DNAH7: variants seen among roughly 807,000 people sequenced by gnomAD.
DNAH7 encodes the protein dynein axonemal heavy chain 7.
Under a neutral mutation model 444.6 loss-of-function variants are expected in DNAH7, and 397 were observed. The observed-to-expected ratio is 0.89, with a 90% CI of 0.82 to 0.97. DNAH7 has a LOEUF of 0.97. Among genes scored for constraint, DNAH7 ranks in the 50% least tolerant of loss-of-function variants. DNAH7 has a pLI of 0.00. For missense variants in DNAH7, 4,902 were observed against 4,800.8 expected (o/e 1.02, Z -0.62); for synonymous variants, 1,636 against 1,624.4 (o/e 1.01, Z -0.17).
chr2:195,901,463 T>G (rs1686700867), intron 27 of DNAH7: 1 of 152,170 alleles, frequency 6.6e-6, no homozygotes. Flanking sequence ...AATATATCAT[T>G]AGCTTTTTGT....
intron 24 of DNAH7, 61 bp from the exon 25 acceptor site, chr2:195,910,256 C>T (rs907517999): frequency 1.2e-5 from 16 of 1,349,200 alleles, no homozygotes; most frequent in African/African-American, 1.5e-5. Flanking sequence ...CATTCACATG[C>T]CAAGAAGAGA....
intron 46 of DNAH7, among the ~76,000 whole-genome samples, chr2:195,845,432 C>A (rs1265841263): frequency 6.6e-6 from 1 of 152,006 alleles, no homozygotes; most frequent in Non-Finnish European, 1.5e-5. Context: ...AAATAATTAC[C>A]AATTGTTATT....
Position 196,068,805 on chromosome 2 carries a change from G to C in DNAH7, c.-94C>G, listed in dbSNP as rs1698578383. 6.7e-7 allele frequency: 1 copy of C among 1,481,856 alleles called. No homozygotes were observed. The highest frequency in any genetic ancestry group is 1.2e-5 in the South Asian group (1 of 80,304). The allele number at this position is 1,481,856 out of a possible 1,614,324, so 91.8% of individuals were successfully genotyped here. ...TAGAGGCAGGGCCCCGGGACTTGCA[G>C]CGGTCTCAGCTCCCTCCGCACCAGA... On this transcript the variant is annotated 5_prime_UTR_variant, in exon 1 of 65. Coordinates refer to ENST00000312428, the MANE Select transcript of DNAH7 (RefSeq NM_018897.3).
chr2:195,789,685 G>C (rs1695784946), intron 57 of DNAH7, among the ~76,000 whole-genome samples: 1 of 152,010 alleles, frequency 6.6e-6, no homozygotes, highest in African/African-American at 2.4e-5. Flanking sequence ...TGTGCCTCCA[G>C]ATGTGATCTC....
At chr2:195,897,867 G>C in intron 28 of DNAH7, 102 bp from the exon 29 acceptor site, 1 of 519,512 alleles carries the variant, frequency 1.9e-6, no homozygotes, top group Non-Finnish European at 3.4e-6. Flanking sequence ...CTGTAACTCA[G>C]TTTAAACAAA....
At position 196,000,807 on chromosome 2, in the gene DNAH7, G is replaced by T; in HGVS notation, c.1250C>A (p.Pro417His). Residue 417 changes from proline to histidine, a missense_variant, in exon 12 of 65, where the codon CCT becomes CAT. Pro to His is a moderately conservative substitution (Grantham distance 77). Coordinates refer to ENST00000312428, the MANE Select transcript of DNAH7 (RefSeq NM_018897.3). Reference sequence around the variant, plus strand: ...GATATCTATATAGTCACTCAACTCAGGTTCAAACTTAATGGTGTCATTATC... The same window carrying T: ...GATATCTATATAGTCACTCAACTCATGTTCAAACTTAATGGTGTCATTATC... ...ILDNDTIKFE[P>H]ELSDYIDIFL... is the part of the protein sequence containing the mutation. 6.2e-7 allele frequency: 1 copy of T among 1,608,944 alleles called. No individual in the cohort carries two copies. Among genetic ancestry groups the T allele is most frequent in the African/African-American group, 1.3e-5 (1 of 74,868 alleles).
At position 195,761,067 on chromosome 2, in the gene DNAH7, G is replaced by A. The variant is rs549013110; in HGVS notation, c.11434-4782C>T. On this transcript the variant is annotated intron_variant, in intron 61 of 64. Coordinates refer to ENST00000312428, the MANE Select transcript of DNAH7 (RefSeq NM_018897.3). ...CAGAGAATTCAAATAAGTGTTTTGA[G>A]GAAATGCAAAAAAAGATTCCAAATA... Among the ~76,000 whole-genome samples, 21 of 151,778 alleles carry A rather than the reference G, an allele frequency of 1.4e-4. No homozygotes were observed. In the South Asian group the frequency reaches 4.4e-3, roughly 32 times the overall value.
chr2:196,059,213 T>C (rs1200868770), intron 1 of DNAH7, among the ~76,000 whole-genome samples: 2 of 152,206 alleles, frequency 1.3e-5, no homozygotes, highest in African/African-American at 4.8e-5. Context: ...ATATGTATTC[T>C]GGTTTTTCCC....
chr2:195,827,607 C>T (rs1697834977), intron 48 of DNAH7, among the ~76,000 whole-genome samples: 1 of 151,452 alleles, frequency 6.6e-6, no homozygotes, highest in Admixed American at 6.6e-5. Flanking sequence ...TTTGAGACAG[C>T]GTCTAGCTGT....
chr2:195,808,722 A>G lies in DNAH7; in HGVS notation c.10043T>C (p.Met3348Thr). 1 of 1,614,062 alleles carries G rather than the reference A, an allele frequency of 6.2e-7. No homozygotes were observed. Among genetic ancestry groups the G allele is most frequent in the Non-Finnish European group, 8.5e-7 (1 of 1,179,948 alleles). Residue 3348 changes from methionine to threonine, a missense_variant, in exon 53 of 65, where the codon ATG becomes ACG. Physicochemically the swap from Met to Thr is moderately conservative, Grantham distance 81. Transcript: ENST00000312428. ...PAFKTIRREF[M>T]RLKDGWKKVY... The stretch of plus-strand genomic sequence containing the variant: ...TTTCTTCCATCCATCCTTTAAGCGC[A>G]TAAACTCTCTACGAATGGTTTTGAA...
At chr2:195,767,080 C>T (rs140297416) in intron 61 of DNAH7, among the ~76,000 whole-genome samples, 1 of 151,706 alleles carries the variant, frequency 6.6e-6, no homozygotes, top group African/African-American at 2.4e-5. Flanking sequence ...TTTTGTTTTT[C>T]TAACATATAT....
chr2:196,057,989 C>T, intron 2 of DNAH7, 65 bp downstream of exon 2: 3 of 1,244,440 alleles, frequency 2.4e-6, no homozygotes, highest in Non-Finnish European at 3.2e-6. Flanking sequence ...TACTTTCAAG[C>T]TTGAAAAGTA....
intron 24 of DNAH7, among the ~76,000 whole-genome samples, chr2:195,918,083 T>G (rs1322478860): frequency 6.6e-6 from 1 of 151,972 alleles, no homozygotes; most frequent in Non-Finnish European, 1.5e-5. Context: ...CACTTAAAAC[T>G]TAACAAAAGA....
At chr2:195,817,461 T>C (rs1407641043) in intron 50 of DNAH7, among the ~76,000 whole-genome samples, 1 of 152,234 alleles carries the variant, frequency 6.6e-6, no homozygotes, top group Non-Finnish European at 1.5e-5. Context: ...TACCCTGCCC[T>C]GACTTCTGGC....
intron 1 of DNAH7, among the ~76,000 whole-genome samples, chr2:196,066,249 C>A (rs1050650436): frequency 5.9e-5 from 9 of 152,306 alleles, no homozygotes; most frequent in Middle Eastern, 3.4e-3. Flanking sequence ...CTCAAAATTT[C>A]ATAGTACTGA....
chr2:195,767,898 T>C (rs1164865125), intron 61 of DNAH7, among the ~76,000 whole-genome samples: 1 of 151,828 alleles, frequency 6.6e-6, no homozygotes, highest in Non-Finnish European at 1.5e-5. Flanking sequence ...GAATGAAATA[T>C]TTGATCCTGG....
At chr2:195,992,609 T>C (rs574001233) in intron 12 of DNAH7, among the ~76,000 whole-genome samples, 1 of 152,218 alleles carries the variant, frequency 6.6e-6, no homozygotes, top group Non-Finnish European at 1.5e-5. Flanking sequence ...GTCAGGCACA[T>C]AGCATTTCAA....
chr2:196,064,395 G>A (rs1042370974), intron 1 of DNAH7, among the ~76,000 whole-genome samples: 7 of 151,520 alleles, frequency 4.6e-5, no homozygotes, highest in Admixed American at 4.6e-4. Context: ...ACCTTCAATT[G>A]TGCTTTTCAC....
Position 196,047,344 on chromosome 2 carries a change from C to T in DNAH7, c.398+8G>A. The T allele has an allele frequency of 1.3e-6, 2 of 1,567,030 alleles. No homozygotes were observed. The highest frequency in any genetic ancestry group is 1.7e-6 in the Non-Finnish European group (2 of 1,154,612). Reference sequence around the variant, plus strand: ...GGTAACACGTAATGGTTAGCCTATACAACTTACATAATGACATTAACAAGA... The same window carrying T: ...GGTAACACGTAATGGTTAGCCTATATAACTTACATAATGACATTAACAAGA... On this transcript the variant is annotated splice_region_variant and intron_variant, in intron 5 of 64. Transcript: ENST00000312428.
Sources: allele counts gnomAD v4.1 joint callset (sites outside exome capture counted in the v4.1 genomes callset), GRCh38; gene constraint gnomAD v4.1.1; transcripts MANE v1.5; gene names NCBI Gene and HGNC (gene_info 2026-07-23, HGNC 2026-07-21).